Variants in SLC5A1 observed in about 807,000 individuals in gnomAD.
SLC5A1 encodes the protein solute carrier family 5 member 1.
A neutral mutation model predicts 73.5 loss-of-function variants in SLC5A1; 42 were observed. The ratio of observed to expected loss-of-function variants is 0.57; its 90% CI spans 0.45 to 0.74. SLC5A1 has a LOEUF of 0.74. Among genes scored for constraint, SLC5A1 ranks in the 30% least tolerant of loss-of-function variants. The probability of loss-of-function intolerance (pLI) is 0.00; values close to 1 mark genes in which losing one functional copy is unlikely to be tolerated. For synonymous variants in SLC5A1, 300 were observed against 317.4 expected (o/e 0.95, Z 0.58); for missense variants, 634 against 855.4 (o/e 0.74, Z 3.23).
intron 5 of SLC5A1, among the ~76,000 whole-genome samples, chr22:32,078,416 C>T (rs528577130): frequency 1.3e-5 from 2 of 151,924 alleles, no homozygotes; most frequent in Non-Finnish European, 2.9e-5. Flanking sequence ...TACAGGCATG[C>T]GCCACCACAC....
chr22:32,107,748 T>C (rs1027939204), intron 14 of SLC5A1, among the ~76,000 whole-genome samples: 1 of 152,208 alleles, frequency 6.6e-6, no homozygotes, highest in African/African-American at 2.4e-5. Context: ...TGTTGTGTCT[T>C]CATGAACTTA....
intron 14 of SLC5A1, among the ~76,000 whole-genome samples, chr22:32,109,258 T>C (rs192062328): frequency 1.2e-4 from 19 of 152,184 alleles, no homozygotes; most frequent in African/African-American, 4.6e-4. Context: ...GAAAACACAG[T>C]GGGCTTGATC....
At chr22:32,095,331 A>T (rs2094024526) in intron 11 of SLC5A1, among the ~76,000 whole-genome samples, 1 of 152,212 alleles carries the variant, frequency 6.6e-6, no homozygotes, top group Non-Finnish European at 1.5e-5. Context: ...CAATGGGTAC[A>T]ATGTTCTGTA....
intron 11 of SLC5A1, among the ~76,000 whole-genome samples, chr22:32,092,385 A>T (rs1047464500): frequency 6.6e-6 from 1 of 152,180 alleles, no homozygotes; most frequent in African/African-American, 2.4e-5. Context: ...TATTTTTGCA[A>T]TTATGAATTG....
In SLC5A1 at chr22:32,086,251, T is replaced by A. The variant is rs2094008091; in HGVS notation, c.1053T>A (p.Cys351Ter). 6.2e-7 allele frequency: 1 copy of A among 1,607,072 alleles called. No individual in the cohort carries two copies. The part of the protein sequence containing the change: ...EKIACVVPSE[C>*]EKYCGTKVGC... ...TTGCCTGTGTCGTCCCTTCAGAATG[T>A]GAGAAATATTGCGGTACCAAGGTTG... The change falls in exon 10 of 15, where the codon TGT becomes TGA. Residue 351 changes from cysteine (C) to a stop codon, truncating the protein, a stop_gained. Transcript: ENST00000266088. LOFTEE classifies it high-confidence loss of function.
Position 32,111,443 on chromosome 22 carries a change from C to G in SLC5A1, c.*1230C>G, listed in dbSNP as rs1204074454. The G allele has an allele frequency of 1.3e-5, 2 of 152,158 alleles. No individual in the cohort carries two copies. The highest frequency in any genetic ancestry group is 4.8e-5 in the African/African-American group (2 of 41,418). 9.4% of individuals were successfully genotyped at this position (152,158 alleles called of 1,614,324 possible). On this transcript the variant is annotated 3_prime_UTR_variant, in exon 15 of 15. Transcript: ENST00000266088. Reference sequence around the variant, plus strand: ...GCCCCTACCTCCAAATACAGTCACACTGTGAGAAACTGAGGGTTAGGAAGT... The same window carrying G: ...GCCCCTACCTCCAAATACAGTCACAGTGTGAGAAACTGAGGGTTAGGAAGT...
intron 1 of SLC5A1, among the ~76,000 whole-genome samples, chr22:32,044,369 G>T (rs184358017): frequency 6.6e-6 from 1 of 152,306 alleles, no homozygotes; most frequent in East Asian, 1.9e-4. Flanking sequence ...AGCCATTCTC[G>T]TGATTGTTAT....
At chr22:32,060,016 C>T (rs1275664604) in intron 2 of SLC5A1, among the ~76,000 whole-genome samples, 3 of 17,110 alleles carry the variant, frequency 1.8e-4, no homozygotes, top group African/African-American at 3.4e-4. Flanking sequence ...CATGGTTATA[C>T]ACACACACAC....
intron 6 of SLC5A1, among the ~76,000 whole-genome samples, chr22:32,082,837 T>C (rs1362643407): frequency 6.6e-6 from 1 of 152,192 alleles, no homozygotes; most frequent in African/African-American, 2.4e-5. Flanking sequence ...ACCAGACTCT[T>C]TCCCCTCAAG....
At chr22:32,087,996 G>C (rs906333281) in intron 10 of SLC5A1, among the ~76,000 whole-genome samples, 19 of 152,132 alleles carry the variant, frequency 1.2e-4, no homozygotes, top group African/African-American at 4.6e-4. Context: ...CAAACTTCAT[G>C]CATGACTTTG....
At chr22:32,106,302 T>C (rs946948175) in intron 14 of SLC5A1, among the ~76,000 whole-genome samples, 3 of 152,254 alleles carry the variant, frequency 2.0e-5, no homozygotes, top group Non-Finnish European at 4.4e-5. Context: ...TTGATTTGCA[T>C]TTCTATGATT....
intron 10 of SLC5A1, among the ~76,000 whole-genome samples, chr22:32,086,605 T>C (rs988483491): frequency 1.3e-5 from 2 of 152,188 alleles, no homozygotes; most frequent in Admixed American, 6.5e-5. Context: ...AAAACATGAC[T>C]TTCCATACTC....
In SLC5A1 at chr22:32,102,219, A is replaced by T. The variant is rs755784562; in HGVS notation, c.1647A>T (p.Lys549Asn). 6.2e-7 allele frequency: 1 copy of T among 1,612,760 alleles called. No individual in the cohort carries two copies. Among genetic ancestry groups the T allele is most frequent in the Non-Finnish European group, 8.5e-7 (1 of 1,179,380 alleles). The change falls in exon 13 of 15, where the codon AAA becomes AAT. Residue 549 changes from lysine (K) to asparagine (N), a missense_variant. Transcript: ENST00000266088. ...TCGTGGTCATCTCCCTCCTCACCAA[A>T]CCCATTCCGGATGTGCATGTGAGTA... ...ITIVVISLLT[K>N]PIPDVHLYRL...
chr22:32,093,282 G>A (rs531053624), intron 11 of SLC5A1, among the ~76,000 whole-genome samples: 1 of 150,004 alleles, frequency 6.7e-6, no homozygotes, highest in South Asian at 2.1e-4. Flanking sequence ...CTTTGGCTAT[G>A]TGGGCTCTTT....
At chr22:32,105,289 ATT>A (rs750353760) in intron 14 of SLC5A1, among the ~76,000 whole-genome samples, 3,510 of 128,128 alleles carry the variant, frequency 0.027, 40 homozygotes, top group African/African-American at 0.042. Flanking sequence ...TGCACTCTTA[ATT>A]TTTTTTTTTT....
In SLC5A1 at chr22:32,050,310, C is replaced by T. The variant is rs533327125; in HGVS notation, c.207+296C>T. ...GAATATTAGTTCTCAAATGCGCTGG[C>T]CCAAGGAACATATCACAGGGGTCAG... On this transcript the variant is annotated intron_variant, in intron 2 of 14. Coordinates refer to ENST00000266088, the MANE Select transcript of SLC5A1 (RefSeq NM_000343.4). 2.0e-5 allele frequency among the ~76,000 whole-genome samples: 3 copies of T among 152,310 alleles called. No individual in the cohort carries two copies. In the East Asian group the frequency reaches 5.8e-4, roughly 29 times the overall value.
chr22:32,070,632 C>A (rs1203129945), intron 5 of SLC5A1, among the ~76,000 whole-genome samples: 2 of 152,132 alleles, frequency 1.3e-5, no homozygotes, highest in Non-Finnish European at 2.9e-5. Context: ...CTGCACCCGG[C>A]CTTGTGTTCC....
Position 32,091,568 on chromosome 22 carries a change from C to T in SLC5A1, c.1130-44C>T, listed in dbSNP as rs16989855. On this transcript the variant is annotated intron_variant, in intron 10 of 14. Transcript: ENST00000266088. ...CATATATTTTTCAAGTACAAAAGAG[C>T]TGAAGGTGCTGTTATGTGCCACTCA... 2.3e-3 allele frequency: 3,704 copies of T among 1,609,830 alleles called. 68 individuals are homozygous for T. The African/African-American group carries it at 0.042, about 18-fold the overall frequency.
Position 32,110,051 on chromosome 22 carries a change from G to A in SLC5A1, c.1833G>A (p.Gly611=), listed in dbSNP as rs758503220. 1.2e-6 allele frequency: 2 copies of A among 1,613,988 alleles called. No individual in the cohort carries two copies. Residue 611 remains glycine (G), a synonymous_variant, in exon 15 of 15, where the codon GGG becomes GGA. Coordinates refer to ENST00000266088, the MANE Select transcript of SLC5A1 (RefSeq NM_000343.4). ...GGAGAGCCTATGACCTATTTTGTGG[G>A]CTAGAGCAGCACGGTGCACCCAAGA... ...IFRRAYDLFC[G]LEQHGAPKMT... is the part of the protein sequence containing the mutation.
Sources: gnomAD v4.1 joint callset for allele counts (sites outside exome capture counted in the v4.1 genomes callset) on GRCh38, gnomAD v4.1.1 for gene constraint, MANE v1.5 for transcripts, NCBI Gene and HGNC (gene_info 2026-07-23, HGNC 2026-07-21) for gene names.